Variants in MAD1L1 observed in about 807,000 individuals in gnomAD.
MAD1L1 encodes the protein mitotic spindle assembly checkpoint protein MAD1.
In MAD1L1, 95 loss-of-function variants were observed where a neutral mutation model predicts 96.9. The observed-to-expected ratio is 0.98, with a 90% CI of 0.83 to 1.16. The LOEUF (loss-of-function observed/expected upper bound fraction) is 1.16. Among genes scored for constraint, MAD1L1 ranks in the 50% most tolerant of loss-of-function variants. The pLI, the probability that MAD1L1 is intolerant of heterozygous loss-of-function variation, is 0.00. For synonymous variants in MAD1L1, 473 were observed against 396.6 expected, an observed-to-expected ratio of 1.19 and a Z score of -2.29; for missense variants, 1,007 against 954.4, an observed-to-expected ratio of 1.06 and a Z score of -0.73.
intron 18 of MAD1L1, among the ~76,000 whole-genome samples, chr7:1,826,684 T>C (rs1279267136): frequency 2.0e-5 from 3 of 152,172 alleles, no homozygotes; most frequent in Non-Finnish European, 4.4e-5. Context: ...GGCAACTGGG[T>C]CAGGACAGCT....
intron 12 of MAD1L1, among the ~76,000 whole-genome samples, chr7:2,042,479 A>G (rs1783731806): frequency 6.6e-6 from 1 of 152,226 alleles, no homozygotes; most frequent in Admixed American, 6.5e-5. Flanking sequence ...TGATGGTATC[A>G]ACGTTCATTT....
At chr7:2,162,870 A>ATTTTT (rs1230584718) in intron 10 of MAD1L1, among the ~76,000 whole-genome samples, 2 of 147,592 alleles carry the variant, frequency 1.4e-5, no homozygotes, top group Non-Finnish European at 1.5e-5. Context: ...TTGGAGTTTC[A>ATTTTT]TCTTTTTTTT....
chr7:1,964,258 G>A (rs182734255), intron 15 of MAD1L1, among the ~76,000 whole-genome samples: 5 of 152,312 alleles, frequency 3.3e-5, no homozygotes, highest in Admixed American at 1.3e-4. Context: ...TTAGGGAGAC[G>A]CTGGATGAAA....
At chr7:2,043,245 A>G (rs1208410753) in intron 12 of MAD1L1, among the ~76,000 whole-genome samples, 1 of 152,174 alleles carries the variant, frequency 6.6e-6, no homozygotes, top group Non-Finnish European at 1.5e-5. Flanking sequence ...CCCCTGTCCC[A>G]TCGGAGGGGC....
At chr7:2,101,069 C>T (rs62442993) in intron 11 of MAD1L1, among the ~76,000 whole-genome samples, 27,038 of 152,212 alleles carry the variant, frequency 0.18, 2,881 homozygotes, top group Middle Eastern at 0.32. Flanking sequence ...GGGAGTGCTG[C>T]CAATTTGTTT....
intron 17 of MAD1L1, among the ~76,000 whole-genome samples, chr7:1,915,278 G>GAAGTGCAACAGTAGCACCTTGGAGCA: frequency 6.6e-6 from 1 of 152,150 alleles, no homozygotes; most frequent in Non-Finnish European, 1.5e-5. Flanking sequence ...ACCTTGGAGC[G>GAAGTGCAACAGTAGCACCTTGGAGCA]GAAGTGCTAC....
intron 1 of MAD1L1, among the ~76,000 whole-genome samples, chr7:2,230,989 A>C (rs2115031434): frequency 6.6e-6 from 1 of 152,332 alleles, no homozygotes; most frequent in East Asian, 1.9e-4. Context: ...TTGATGCCTG[A>C]AACTACCTAC....
chr7:2,069,807 T>C (rs933861055), intron 11 of MAD1L1, among the ~76,000 whole-genome samples: 1 of 152,348 alleles, frequency 6.6e-6, no homozygotes, highest in Non-Finnish European at 1.5e-5. Flanking sequence ...AGGCCTCCTG[T>C]GGGCCGACGC....
At chr7:1,875,361 G>C (rs7787341) in intron 18 of MAD1L1, among the ~76,000 whole-genome samples, 45,322 of 152,050 alleles carry the variant, frequency 0.3, 8,111 homozygotes, top group African/African-American at 0.5. Context: ...CCCCCAACTG[G>C]CTGACAGTCG....
At chr7:1,882,022 G>A (rs947968818) in intron 18 of MAD1L1, among the ~76,000 whole-genome samples, 28 of 152,178 alleles carry the variant, frequency 1.8e-4, no homozygotes, top group African/African-American at 6.0e-4. Context: ...CCTCTCTAAG[G>A]GACCGAGAAT....
intron 18 of MAD1L1, among the ~76,000 whole-genome samples, chr7:1,857,697 A>G (rs938978366): frequency 1.3e-5 from 2 of 152,198 alleles, no homozygotes; most frequent in African/African-American, 4.8e-5. Flanking sequence ...AAGAGGACAC[A>G]GGAGTGTGGG....
chr7:2,188,104 A>G (rs1377041537), intron 10 of MAD1L1, among the ~76,000 whole-genome samples: 1 of 152,258 alleles, frequency 6.6e-6, no homozygotes. Flanking sequence ...CAAATGAGCA[A>G]TGTATGATGT....
chr7:1,865,531 C>T (rs1045127438), intron 18 of MAD1L1, among the ~76,000 whole-genome samples: 16 of 152,212 alleles, frequency 1.1e-4, no homozygotes, highest in African/African-American at 3.9e-4. Context: ...CGCAGGGCGA[C>T]GGAGCAGCCA....
chr7:1,895,935 G>A (rs996074342), intron 18 of MAD1L1, among the ~76,000 whole-genome samples: 5 of 152,250 alleles, frequency 3.3e-5, no homozygotes, highest in Non-Finnish European at 5.9e-5. Context: ...GCCTGGGGAG[G>A]CGCCAAGGCT....
chr7:1,901,302 T>C (rs1787229129), intron 17 of MAD1L1, among the ~76,000 whole-genome samples: 1 of 152,228 alleles, frequency 6.6e-6, no homozygotes, highest in Admixed American at 6.5e-5. Flanking sequence ...GGAAATGTCA[T>C]TGCTTTCTTG....
At chr7:1,901,461 C>T (rs1214068980) in intron 17 of MAD1L1, among the ~76,000 whole-genome samples, 1 of 152,218 alleles carries the variant, frequency 6.6e-6, no homozygotes, top group African/African-American at 2.4e-5. Context: ...GGCGACAGCC[C>T]TGTGCCCGAC....
intron 12 of MAD1L1, among the ~76,000 whole-genome samples, chr7:2,021,199 C>G (rs1782775042): frequency 6.6e-6 from 1 of 152,168 alleles, no homozygotes; most frequent in Admixed American, 6.5e-5. Flanking sequence ...CAAATCTAAA[C>G]CCCAGATCCA....
chr7:1,986,316 CA>C (rs1781137647), intron 14 of MAD1L1, among the ~76,000 whole-genome samples: 1 of 29,734 alleles, frequency 3.4e-5, no homozygotes, highest in Non-Finnish European at 8.5e-5. Context: ...ACCTCTGCTG[CA>C]GCTTGGAACC....
Position 1,958,117 on chromosome 7 carries a change from G to A in MAD1L1, c.1506-398C>T, listed in dbSNP as rs538865256. The stretch of plus-strand genomic sequence containing the variant: ...CACTGAGGGACAGGAAAGCAACCTC[G>A]GGACATCTTCAGAAATGAGGAAAAG... On this transcript the variant is annotated intron_variant, in intron 15 of 18. Transcript: ENST00000265854. Among the ~76,000 whole-genome samples, 4 of 152,274 alleles carry A rather than the reference G, an allele frequency of 2.6e-5. No homozygotes were observed. In the East Asian group the frequency reaches 5.8e-4, roughly 22 times the overall value.
Sources: allele counts gnomAD v4.1 joint callset (sites outside exome capture counted in the v4.1 genomes callset), GRCh38; gene constraint gnomAD v4.1.1; transcripts MANE v1.5; gene names NCBI Gene and HGNC (gene_info 2026-07-23, HGNC 2026-07-21).